The following CAPN2 variants were observed in gnomAD, a reference collection of about 807,000 sequenced individuals.
CAPN2 encodes calpain-2 catalytic subunit.
CAPN2 carries 92 observed loss-of-function variants against 102.3 expected under a neutral mutation model. The ratio of observed to expected loss-of-function variants is 0.90; its 90% CI spans 0.76 to 1.07. The LOEUF is 1.07. Among genes scored for constraint, CAPN2 ranks in the 50% least tolerant of loss-of-function variants. The probability of loss-of-function intolerance (pLI) is 0.00; values close to 1 mark genes in which losing one functional copy is unlikely to be tolerated. For synonymous variants in CAPN2, 340 were observed against 355.4 expected (o/e 0.96, Z 0.49); for missense variants, 800 against 909.4 (o/e 0.88, Z 1.55).
chr1:223,739,215 A>C (rs1660544845), intron 2 of CAPN2, among the ~76,000 whole-genome samples: 1 of 136,052 alleles, frequency 7.4e-6, no homozygotes, highest in Non-Finnish European at 1.5e-5. Context: ...ACAGAGTCTC[A>C]CTCTGTGCCC....
At chr1:223,774,601 A>C (rs1465700342) in intron 20 of CAPN2, among the ~76,000 whole-genome samples, 1 of 152,226 alleles carries the variant, frequency 6.6e-6, no homozygotes, top group Admixed American at 6.5e-5. Flanking sequence ...TCATGTGTGC[A>C]ATCAACCCTG....
chr1:223,707,378 A>G (rs1659634846), intron 1 of CAPN2, among the ~76,000 whole-genome samples: 2 of 152,020 alleles, frequency 1.3e-5, no homozygotes, highest in Admixed American at 6.6e-5. Context: ...CACCATCCTC[A>G]GGGCTGGCTG....
chr1:223,729,625 G>T (rs1018953050), intron 2 of CAPN2, among the ~76,000 whole-genome samples: 1 of 152,168 alleles, frequency 6.6e-6, no homozygotes, highest in Non-Finnish European at 1.5e-5. Flanking sequence ...AGGCACAGGG[G>T]CTGGAGGGGG....
chr1:223,741,809 C>T (rs961107017), intron 2 of CAPN2, among the ~76,000 whole-genome samples: 2 of 149,626 alleles, frequency 1.3e-5, no homozygotes, highest in Admixed American at 6.7e-5. Flanking sequence ...CAGAGTCTCA[C>T]TCTGTTGCCC....
intron 2 of CAPN2, among the ~76,000 whole-genome samples, chr1:223,728,453 G>C (rs773661306): frequency 6.6e-6 from 1 of 152,076 alleles, no homozygotes; most frequent in African/African-American, 2.4e-5. Flanking sequence ...TCATCTTTAC[G>C]ACCTAGGCTT....
chr1:223,707,946 A>G (rs1338320852), upstream of CAPN2, among the ~76,000 whole-genome samples: 2 of 152,210 alleles, frequency 1.3e-5, no homozygotes, highest in Admixed American at 6.5e-5. Flanking sequence ...GCTCTGCCCC[A>G]CTGGGCAGAA....
rs1660935412 is a variant in CAPN2 at position 223,752,803 on chromosome 1, T to G, written c.982T>G (p.Phe328Val). The change falls in exon 9 of 21, where the codon TTC (phenylalanine) becomes GTC (valine). Residue 328 changes from phenylalanine (F) to valine (V), a missense_variant. Transcript: ENST00000295006. ...RHEDGEFWMSFSDFLRHYSRL... is the reference protein window; with the variant it reads ...RHEDGEFWMSVSDFLRHYSRL... ...TGTCTCTGCTTTTGCCAGGATGTCT[T>G]TCAGTGACTTCCTGAGGCACTATTC... is the stretch of plus-strand genomic sequence containing the variant. 1 of 1,613,934 alleles carries G rather than the reference T, an allele frequency of 6.2e-7. No individual in the cohort carries two copies. The highest frequency in any genetic ancestry group is 1.7e-5 in the Admixed American group (1 of 60,000).
In CAPN2 at chr1:223,749,220, G is replaced by A. The variant is rs546647050; in HGVS notation, c.813+98G>A. 145 of 1,076,444 alleles carry A rather than the reference G, an allele frequency of 1.3e-4. No homozygotes were observed. In the African/African-American group the frequency reaches 1.9e-3, roughly 14 times the overall value. 66.7% of individuals were successfully genotyped at this position (1,076,444 alleles called of 1,614,324 possible). Reference sequence around the variant, plus strand: ...GCCCAGGGGCCCGCGCGGCCCCACGGTGGTCCAGTTTACACTCGGGCCCCG... The same window carrying A: ...GCCCAGGGGCCCGCGCGGCCCCACGATGGTCCAGTTTACACTCGGGCCCCG... On this transcript the variant is annotated intron_variant, in intron 6 of 20. Coordinates refer to ENST00000295006, the MANE Select transcript of CAPN2 (RefSeq NM_001748.5).
chr1:223,741,224 G>T (rs1254005213), intron 2 of CAPN2, among the ~76,000 whole-genome samples: 1 of 151,872 alleles, frequency 6.6e-6, no homozygotes, highest in Non-Finnish European at 1.5e-5. Context: ...GGGTAAGGGA[G>T]CTTCCCAGCT....
At position 223,725,936 on chromosome 1, in the gene CAPN2, G is replaced by A. The variant is rs1030811268; in HGVS notation, c.307+8105G>A. 2.6e-5 allele frequency among the ~76,000 whole-genome samples: 4 copies of A among 152,150 alleles called. No homozygotes were observed. Among genetic ancestry groups the A allele is most frequent in the Non-Finnish European group, 4.4e-5 (3 of 68,030 alleles). Reference sequence around the variant, plus strand: ...TCTTTTTCTTTTCCTACAATGCAGGGAACTTTAAGACTATGTGACAGAAAG... The same window carrying A: ...TCTTTTTCTTTTCCTACAATGCAGGAAACTTTAAGACTATGTGACAGAAAG... On this transcript the variant is annotated intron_variant, in intron 2 of 20. Coordinates refer to ENST00000295006, the MANE Select transcript of CAPN2 (RefSeq NM_001748.5). The surrounding 1 kb of genome is among the most constrained non-coding windows in gnomAD (Gnocchi z 4.1).
intron 20 of CAPN2, 69 bp from the exon 21 acceptor site, chr1:223,774,765 C>A: frequency 7.2e-7 from 1 of 1,392,826 alleles, no homozygotes; most frequent in Non-Finnish European, 1.0e-6. Flanking sequence ...GAACAATCTA[C>A]AGGTACTTAA....
At chr1:223,766,998 C>A (rs1217679388) in intron 16 of CAPN2, among the ~76,000 whole-genome samples, 5 of 151,804 alleles carry the variant, frequency 3.3e-5, no homozygotes, top group Admixed American at 3.3e-4. Context: ...CCCACCAGTC[C>A]ATTCCTGGGG....
chr1:223,757,418 A>G (rs1441286590), intron 11 of CAPN2, 38 bp downstream of exon 11: 1 of 1,611,798 alleles, frequency 6.2e-7, no homozygotes, highest in East Asian at 2.2e-5. Flanking sequence ...TCAGGTCACC[A>G]AAAAAGCGAG....
chr1:223,762,307 G>C, intron 14 of CAPN2, 56 bp downstream of exon 14: 2 of 1,375,436 alleles, frequency 1.5e-6, no homozygotes, highest in Non-Finnish European at 2.1e-6. Flanking sequence ...GGAAGAGACA[G>C]TGTGTGTCCC....
At chr1:223,708,415 ACT>A (rs937579463), upstream of CAPN2, among the ~76,000 whole-genome samples, 14 of 141,816 alleles carry the variant, frequency 9.9e-5, no homozygotes, top group Admixed American at 3.6e-4. Flanking sequence ...CAAGAGTGAA[ACT>A]CTGTTTAAAA....
At chr1:223,743,270 C>T (rs1660669430) in intron 2 of CAPN2, among the ~76,000 whole-genome samples, 1 of 152,206 alleles carries the variant, frequency 6.6e-6, no homozygotes, top group South Asian at 2.1e-4. Flanking sequence ...GAAGTGACCT[C>T]TGCCCCTCCG....
chr1:223,719,289 C>A lies in CAPN2; in HGVS notation c.307+1458C>A, dbSNP rs531879020. Among the ~76,000 whole-genome samples the A allele has an allele frequency of 1.1e-4, 16 of 152,244 alleles. No homozygotes were observed. The South Asian group carries it at 2.9e-3, about 28-fold the overall frequency. On this transcript the variant is annotated intron_variant, in intron 2 of 20. Transcript: ENST00000295006. ...CAGTGGCTCACATCTGTAATCCCAG[C>A]ACTTTGGGAGGCCGAGGCAGGCAGA...
At chr1:223,763,005 T>TA (rs1011785980) in intron 14 of CAPN2, among the ~76,000 whole-genome samples, 4 of 152,084 alleles carry the variant, frequency 2.6e-5, no homozygotes, top group African/African-American at 9.7e-5. Context: ...AAATTTTTTT[T>TA]AGAGACAGGG....
chr1:223,711,318 G>A (rs1027445466), upstream of CAPN2, among the ~76,000 whole-genome samples: 4 of 152,068 alleles, frequency 2.6e-5, no homozygotes, highest in African/African-American at 9.7e-5. Flanking sequence ...GCATTTCTTG[G>A]CACGCACCCA....
Sources: allele counts gnomAD v4.1 joint callset (sites outside exome capture counted in the v4.1 genomes callset), GRCh38; gene constraint gnomAD v4.1.1; non-coding constraint Gnocchi (gnomAD v3.1); transcripts MANE v1.5; gene names NCBI Gene and HGNC (gene_info 2026-07-23, HGNC 2026-07-21).